The following AMBRA1 variants were observed in gnomAD, a reference collection of about 807,000 sequenced individuals.
AMBRA1 encodes activating molecule in BECN1-regulated autophagy protein 1.
A neutral mutation model predicts 125.4 loss-of-function variants in AMBRA1; 47 were observed. The observed-to-expected ratio is 0.37, with a 90% confidence interval of 0.30 to 0.48. The LOEUF is 0.48. Among genes scored for constraint, AMBRA1 ranks in the 20% least tolerant of loss-of-function variants. AMBRA1 has a pLI of 0.99. For missense variants in AMBRA1, 1,331 were observed against 1,693.4 expected (o/e 0.79, Z 3.76); for synonymous variants, 626 against 655.5 (o/e 0.95, Z 0.69).
chr11:46,527,429 G>A (rs1489247169), intron 7 of AMBRA1, among the ~76,000 whole-genome samples: 6 of 124,852 alleles, frequency 4.8e-5, no homozygotes, highest in African/African-American at 9.1e-5. Flanking sequence ...ACAGTGAGCC[G>A]AGATCATGCC....
chr11:46,591,541 A>C (rs1346967985), intron 1 of AMBRA1: 1 of 152,162 alleles, frequency 6.6e-6, no homozygotes, highest in Non-Finnish European at 1.5e-5. Flanking sequence ...AAGGACTAGG[A>C]ACTGAATCTC....
intron 15 of AMBRA1, among the ~76,000 whole-genome samples, chr11:46,411,491 T>C (rs1946296926): frequency 6.6e-6 from 1 of 152,180 alleles, no homozygotes; most frequent in Non-Finnish European, 1.5e-5. Flanking sequence ...TTTTCTGAGA[T>C]GGAGTCTCAC....
At chr11:46,511,882 T>G (rs1265170692) in intron 8 of AMBRA1, among the ~76,000 whole-genome samples, 1 of 152,056 alleles carries the variant, frequency 6.6e-6, no homozygotes, top group Non-Finnish European at 1.5e-5. Context: ...TGAGACAGAG[T>G]CTTGCTCTGT....
At chr11:46,404,408 G>C (rs1267342467) in intron 17 of AMBRA1, among the ~76,000 whole-genome samples, 1 of 152,180 alleles carries the variant, frequency 6.6e-6, no homozygotes, top group African/African-American at 2.4e-5. Flanking sequence ...GGGCTCCCCT[G>C]AAGAGTCTGA....
chr11:46,519,077 A>G (rs59454111), intron 7 of AMBRA1, among the ~76,000 whole-genome samples: 10,708 of 152,226 alleles, frequency 0.07, 1,223 homozygotes, highest in African/African-American at 0.24. Context: ...AGGCTGGAGT[A>G]CAGTGGCGCG....
intron 11 of AMBRA1, among the ~76,000 whole-genome samples, chr11:46,489,061 C>T (rs1349721799): frequency 6.6e-6 from 1 of 152,076 alleles, no homozygotes; most frequent in African/African-American, 2.4e-5. Flanking sequence ...CGCAACCGCC[C>T]GGTTAATTTT....
rs553040136 is a variant in AMBRA1 at position 46,400,473 on chromosome 11, G to GTTTTTTTTTTTTTT, written c.3404-2544_3404-2531dup. Among the ~76,000 whole-genome samples, 45 of 48,894 alleles carry GTTTTTTTTTTTTTT rather than the reference G, an allele frequency of 9.2e-4. 19 individuals are homozygous for GTTTTTTTTTTTTTT. Among genetic ancestry groups the GTTTTTTTTTTTTTT allele is most frequent in the African/African-American group, 1.5e-3 (24 of 15,492 alleles). 32.1% of individuals were successfully genotyped at this position (48,894 alleles called of 152,430 possible). On this transcript the variant is annotated intron_variant, in intron 17 of 17. Coordinates refer to ENST00000683756, the MANE Select transcript of AMBRA1 (RefSeq NM_001387011.1). ...CCTCATGCTTCTAGTTCTTTCTATAGTTTTTTTTTTTTTTTTTTTTTTTTT... is the reference window on the plus strand; with the variant it reads ...CCTCATGCTTCTAGTTCTTTCTATAGTTTTTTTTTTTTTTTTTTTTTTTTTTTTTTTTTTTTTTT...
chr11:46,583,413 G>C (rs1350014666), intron 1 of AMBRA1, among the ~76,000 whole-genome samples: 1 of 151,458 alleles, frequency 6.6e-6, no homozygotes, highest in Admixed American at 6.6e-5. Flanking sequence ...AGAAAACCTA[G>C]GCATTACCAT....
chr11:46,513,490 ATG>A lies in AMBRA1; in HGVS notation c.2073-679_2073-678del, dbSNP rs566095167. On this transcript the variant is annotated intron_variant, in intron 7 of 17. Transcript: ENST00000683756. ...TAATAGGTAATACTGAGCACTTCAT[ATG>A]TATTTGTTTAAACCTCACCACAACC... Among the ~76,000 whole-genome samples the A allele has an allele frequency of 1.3e-3, 195 of 152,272 alleles. 1 individual carries two copies. Among genetic ancestry groups the A allele is most frequent in the African/African-American group, 4.6e-3 (190 of 41,540 alleles).
At chr11:46,530,850 A>G (rs76758799) in intron 7 of AMBRA1, among the ~76,000 whole-genome samples, 2,487 of 152,314 alleles carry the variant, frequency 0.016, 68 homozygotes, top group African/African-American at 0.057. Context: ...CTCCATAAAT[A>G]GTTTTTTTGG....
Position 46,548,455 on chromosome 11 carries a change from C to T in AMBRA1, c.-75G>A, listed in dbSNP as rs988468926. 16 of 1,584,832 alleles carry T rather than the reference C, an allele frequency of 1.0e-5. No homozygotes were observed. The highest frequency in any genetic ancestry group is 5.1e-5 in the Admixed American group (3 of 58,610). On this transcript the variant is annotated 5_prime_UTR_variant, in exon 2 of 18. The change abolishes the stop of an existing upstream ORF in the 5' untranslated region. Transcript: ENST00000683756. Reference sequence around the variant, plus strand: ...TAACAGCTCCAACACACTGAAGCAGCTAAAATGAGGCCATACAGGTCCTTG... The same window carrying T: ...TAACAGCTCCAACACACTGAAGCAGTTAAAATGAGGCCATACAGGTCCTTG...
chr11:46,567,749 G>A (rs1296813068), intron 1 of AMBRA1, among the ~76,000 whole-genome samples: 5 of 152,172 alleles, frequency 3.3e-5, no homozygotes, highest in Admixed American at 2.0e-4. Flanking sequence ...CTAGCCAGAA[G>A]CAGACTCAGT....
chr11:46,564,933 G>C (rs1220208387), intron 1 of AMBRA1, among the ~76,000 whole-genome samples: 3 of 152,102 alleles, frequency 2.0e-5, no homozygotes, highest in African/African-American at 7.2e-5. Context: ...TAAGTTATGT[G>C]CACCAAGAAT....
chr11:46,422,673 A>AT (rs1009933447), intron 14 of AMBRA1, among the ~76,000 whole-genome samples: 1 of 151,830 alleles, frequency 6.6e-6, no homozygotes, highest in African/African-American at 2.4e-5. Flanking sequence ...AGATGGTCGT[A>AT]TTTTTTTTCC....
At chr11:46,431,675 C>T (rs896909349) in intron 14 of AMBRA1, among the ~76,000 whole-genome samples, 14 of 152,116 alleles carry the variant, frequency 9.2e-5, no homozygotes, top group South Asian at 4.2e-4. Flanking sequence ...ACAATTAGGC[C>T]GGAAGGGTTA....
At chr11:46,489,211 C>T (rs1950379168) in intron 11 of AMBRA1, among the ~76,000 whole-genome samples, 1 of 152,110 alleles carries the variant, frequency 6.6e-6, no homozygotes, top group Non-Finnish European at 1.5e-5. Flanking sequence ...TGCTATCCCT[C>T]CCCCGCTCTC....
rs181239163 is a variant in AMBRA1, at chr11:46,493,570, C to T, written c.2521+38G>A. On this transcript the variant is annotated intron_variant, in intron 11 of 17. Transcript: ENST00000683756. ...GAGAAGCTTTATCTGGCTCCTTGGCCCTTCACATTTTCAAAAGCCAAAGAA... is the reference window on the plus strand; with the variant it reads ...GAGAAGCTTTATCTGGCTCCTTGGCTCTTCACATTTTCAAAAGCCAAAGAA... The T allele has an allele frequency of 1.8e-4, 275 of 1,527,590 alleles. No homozygotes were observed. The African/African-American group carries it at 2.4e-3, about 13-fold the overall frequency. 94.6% of individuals were successfully genotyped at this position (1,527,590 alleles called of 1,614,324 possible).
At chr11:46,426,189 G>C (rs1202383928) in intron 14 of AMBRA1, among the ~76,000 whole-genome samples, 1 of 152,168 alleles carries the variant, frequency 6.6e-6, no homozygotes, top group Non-Finnish European at 1.5e-5. Context: ...GGCTGTTACA[G>C]TGATAGTGGT....
At chr11:46,582,706 T>C (rs1259287517) in intron 1 of AMBRA1, among the ~76,000 whole-genome samples, 1 of 152,102 alleles carries the variant, frequency 6.6e-6, no homozygotes, top group Admixed American at 6.6e-5. Flanking sequence ...GCTACATCAA[T>C]AAAATGAGAA....
Sources: allele counts gnomAD v4.1 joint callset (sites outside exome capture counted in the v4.1 genomes callset), GRCh38; gene constraint gnomAD v4.1.1; transcripts MANE v1.5; gene names NCBI Gene and HGNC (gene_info 2026-07-23, HGNC 2026-07-21).